The following SLCO1A2 variants were observed in gnomAD, a reference collection of about 807,000 sequenced individuals.
The protein encoded by SLCO1A2 is solute carrier organic anion transporter family member 1A2.
A neutral mutation model predicts 69.0 loss-of-function variants in SLCO1A2; 67 were observed. That is an observed-to-expected ratio of 0.97 (90% CI 0.80 to 1.19). SLCO1A2 has a LOEUF of 1.19. SLCO1A2 is among the 50% of genes most tolerant of loss of function. The pLI is 0.00. For missense variants in SLCO1A2, 787 were observed against 793.7 expected (o/e 0.99, Z 0.10); for synonymous variants, 260 against 265.9 (o/e 0.98, Z 0.22).
Position 21,390,310 on chromosome 12 carries a change from T to A in SLCO1A2, c.-190+4596A>T, listed in dbSNP as rs531061851. Among the ~76,000 whole-genome samples the A allele has an allele frequency of 3.3e-5, 5 of 152,258 alleles. No homozygotes were observed. In the South Asian group the frequency reaches 1.0e-3, roughly 32 times the overall value. On this transcript the variant is annotated intron_variant, in intron 1 of 15. Transcript: ENST00000307378. ...GTTTCTAAATTACTGTTGCATACTT[T>A]ATTTTACTCAACGAACATTGTCATA...
At position 21,303,985 on chromosome 12, in the gene SLCO1A2, G is replaced by A. The variant is rs1949040680; in HGVS notation, c.589+442C>T. On this transcript the variant is annotated intron_variant, in intron 6 of 14. Coordinates refer to ENST00000683939, the MANE Select transcript of SLCO1A2 (RefSeq NM_001386879.1). ...TTGAGAAAAATTATATTGCAAGAAT[G>A]TTTCTTAAAAACTGAGAAAATAAAA... Among the ~76,000 whole-genome samples, 5 of 152,178 alleles carry A rather than the reference G, an allele frequency of 3.3e-5. No homozygotes were observed. The South Asian group carries it at 1.0e-3, about 32-fold the overall frequency.
chr12:21,306,253 C>G (rs1949372344), intron 5 of SLCO1A2, among the ~76,000 whole-genome samples: 1 of 152,164 alleles, frequency 6.6e-6, no homozygotes, highest in Admixed American at 6.5e-5. Flanking sequence ...ACCAAATCAT[C>G]AGCATAAATC....
chr12:21,304,301 G>T, intron 6 of SLCO1A2, 126 bp downstream of exon 6: 1 of 697,088 alleles, frequency 1.4e-6, no homozygotes. Flanking sequence ...TTTATGGAAG[G>T]CCAACTGTGC....
intron 2 of SLCO1A2, among the ~76,000 whole-genome samples, chr12:21,345,061 C>A (rs1046236027): frequency 1.3e-5 from 2 of 151,800 alleles, no homozygotes; most frequent in African/African-American, 4.8e-5. Flanking sequence ...TACTAAAAGC[C>A]ATAATAACAC....
At chr12:21,400,380 G>C (rs1257337373), upstream of SLCO1A2, among the ~76,000 whole-genome samples, 1 of 151,770 alleles carries the variant, frequency 6.6e-6, no homozygotes, top group Non-Finnish European at 1.5e-5. Context: ...GGAAGCAACA[G>C]ATGCTGGAGA....
rs80225829 is a variant in SLCO1A2, at chr12:21,306,686, T to C, written c.442+196A>G. ...AAACAAGGAACTCTCAATAAATACATTCAAATATAAGAAAAATAACATTCT... is the reference window on the plus strand; with the variant it reads ...AAACAAGGAACTCTCAATAAATACACTCAAATATAAGAAAAATAACATTCT... On this transcript the variant is annotated intron_variant, in intron 5 of 14. Coordinates refer to ENST00000683939, the MANE Select transcript of SLCO1A2 (RefSeq NM_001386879.1). 2.9e-3 allele frequency among the ~76,000 whole-genome samples: 447 copies of C among 152,324 alleles called. 1 individual carries two copies. Among genetic ancestry groups the C allele is most frequent in the African/African-American group, 9.8e-3 (409 of 41,564 alleles).
At chr12:21,378,498 C>A in intron 1 of SLCO1A2, 6 of 1,237,592 alleles carry the variant, frequency 4.8e-6, no homozygotes, top group Non-Finnish European at 7.1e-6. Flanking sequence ...GTGCCCTTTT[C>A]ATCTCCAGTG....
chr12:21,398,408 A>G (rs572916081), upstream of SLCO1A2, among the ~76,000 whole-genome samples: 6 of 125,420 alleles, frequency 4.8e-5, no homozygotes, highest in African/African-American at 1.7e-4. Context: ...AAAAGAGTCC[A>G]GGACCAGATG....
intron 6 of SLCO1A2, 62 bp downstream of exon 6, chr12:21,304,365 A>G (rs1036123188): frequency 4.5e-6 from 6 of 1,330,676 alleles, no homozygotes; most frequent in South Asian, 1.3e-5. Flanking sequence ...AAATATAACT[A>G]ATTTCTAACC....
At chr12:21,299,854 GTATA>G (rs367663983) in intron 8 of SLCO1A2, among the ~76,000 whole-genome samples, 10 of 127,508 alleles carry the variant, frequency 7.8e-5, no homozygotes, top group East Asian at 2.1e-4. Context: ...ATATATACGT[GTATA>G]TATATATACG....
intron 2 of SLCO1A2, among the ~76,000 whole-genome samples, chr12:21,324,907 C>A (rs1038342323): frequency 6.6e-6 from 1 of 152,190 alleles, no homozygotes; most frequent in African/African-American, 2.4e-5. Context: ...CCTCAGGTAG[C>A]AAGATCCTAT....
chr12:21,330,197 T>C (rs1431679624), intron 2 of SLCO1A2, among the ~76,000 whole-genome samples: 2 of 152,102 alleles, frequency 1.3e-5, no homozygotes, highest in Non-Finnish European at 2.9e-5. Flanking sequence ...TAGTTTCAAC[T>C]ATTAACTTAA....
intron 1 of SLCO1A2, among the ~76,000 whole-genome samples, chr12:21,387,538 G>A (rs750755984): frequency 5.3e-5 from 8 of 152,306 alleles, no homozygotes; most frequent in South Asian, 2.1e-4. Context: ...GGCAGCTTCC[G>A]TATGGTATTG....
chr12:21,320,833 G>C (rs1428080483), intron 2 of SLCO1A2, among the ~76,000 whole-genome samples: 1 of 151,968 alleles, frequency 6.6e-6, no homozygotes, highest in Non-Finnish European at 1.5e-5. Flanking sequence ...ACCCTTTATT[G>C]CTTGTTTCCC....
At chr12:21,336,157 CT>C (rs1457551138), upstream of SLCO1A2, among the ~76,000 whole-genome samples, 23 of 152,094 alleles carry the variant, frequency 1.5e-4, no homozygotes, top group South Asian at 1.4e-3. Context: ...TCTTCTCTCT[CT>C]CCTAACCATT....
At chr12:21,296,733 T>C (rs1024843393) in intron 9 of SLCO1A2, among the ~76,000 whole-genome samples, 1 of 152,196 alleles carries the variant, frequency 6.6e-6, no homozygotes, top group Non-Finnish European at 1.5e-5. Flanking sequence ...ATCATATTAT[T>C]GAGAGAGCTT....
chr12:21,338,630 C>G (rs1025139371), upstream of SLCO1A2, among the ~76,000 whole-genome samples: 24 of 152,044 alleles, frequency 1.6e-4, no homozygotes, highest in African/African-American at 5.8e-4. Context: ...TACTGTCCAG[C>G]TCTGATTTTA....
upstream of SLCO1A2, among the ~76,000 whole-genome samples, chr12:21,336,479 T>G (rs1591859500): frequency 6.6e-6 from 1 of 151,966 alleles, no homozygotes; most frequent in Non-Finnish European, 1.5e-5. Context: ...TAAAAAACTA[T>G]TATCTTAACT....
chr12:21,309,988 A>G (rs1245618755), intron 4 of SLCO1A2, among the ~76,000 whole-genome samples: 3 of 152,226 alleles, frequency 2.0e-5, no homozygotes, highest in Non-Finnish European at 4.4e-5. Flanking sequence ...ATTCGTGAAC[A>G]ATACAAAGAA....
Sources: allele counts gnomAD v4.1 joint callset (sites outside exome capture counted in the v4.1 genomes callset), GRCh38; gene constraint gnomAD v4.1.1; transcripts MANE v1.5; gene names NCBI Gene and HGNC (gene_info 2026-07-23, HGNC 2026-07-21).